JAKMIP3: variants seen among roughly 807,000 people sequenced by gnomAD.
The protein encoded by JAKMIP3 is janus kinase and microtubule-interacting protein 3.
A neutral mutation model predicts 118.5 loss-of-function variants in JAKMIP3; 58 were observed. The observed-to-expected ratio is 0.49, with a 90% CI of 0.40 to 0.61. The LOEUF is 0.61. JAKMIP3 is among the 20% of genes least tolerant of loss of function. The pLI is 0.00. For missense variants in JAKMIP3, 950 were observed against 1,109.0 expected (o/e 0.86, Z 2.04); for synonymous variants, 486 against 451.2 (o/e 1.08, Z -0.98).
At position 132,183,540 on chromosome 10, in the gene JAKMIP3, C is replaced by G. The variant is rs905536383; in HGVS notation, c.*2287C>G. On this transcript the variant is annotated 3_prime_UTR_variant, in exon 24 of 24. Transcript: ENST00000684848. Reference sequence around the variant, plus strand: ...AGGCAAACTATACGGCAAAGAGAAGCATGTAAATATGTACCAAATCCTTAT... The same window carrying G: ...AGGCAAACTATACGGCAAAGAGAAGGATGTAAATATGTACCAAATCCTTAT... 4 of 152,190 alleles carry G rather than the reference C, an allele frequency of 2.6e-5. No homozygotes were observed. The highest frequency in any genetic ancestry group is 7.2e-5 in the African/African-American group (3 of 41,440). 9.4% of individuals were successfully genotyped at this position (152,190 alleles called of 1,614,324 possible).
rs1488261983 is a variant in JAKMIP3, at chr10:132,168,253, A to C, written c.*323A>C. The C allele has an allele frequency of 7.8e-7, 1 of 1,289,158 alleles. No individual in the cohort carries two copies. Among genetic ancestry groups the C allele is most frequent in the East Asian group, 5.6e-5 (1 of 18,012 alleles). The allele number at this position is 1,289,158 out of a possible 1,614,324, so 79.9% of individuals were successfully genotyped here. A position where few individuals can be genotyped will look rare whatever the true frequency, so the allele number is the denominator to read the frequency against. ...CCCCATCCCATTTCCAGGGATGTGT[A>C]GCATTCCCTGCCAAGCAGGGGTGAG... On this transcript the variant is annotated 3_prime_UTR_variant, in exon 23 of 24. Transcript: ENST00000684848.
Position 132,058,724 on chromosome 10 carries a change from G to A in JAKMIP3, c.-138+21986G>A, listed in dbSNP as rs145436458. On this transcript the variant is annotated intron_variant, in intron 1 of 23. Transcript: ENST00000657785. ...GCACCCGGCTGTTGGAAAATCACAG[G>A]TTGTCTTGATGGGTGCTGCATCCAG... is the stretch of plus-strand genomic sequence containing the variant. Among the ~76,000 whole-genome samples, 10 of 152,366 alleles carry A rather than the reference G, an allele frequency of 6.6e-5. No individual in the cohort carries two copies. The East Asian group carries it at 1.9e-3, about 29-fold the overall frequency.
Position 132,151,386 on chromosome 10 carries a change from T to A in JAKMIP3, c.2007+1345T>A, listed in dbSNP as rs180704248. On this transcript the variant is annotated intron_variant, in intron 16 of 23. Transcript: ENST00000684848. ...TGCTCTGCATCCGAGGACTCCCTTC[T>A]CCCCTTGCCTGCCCAGCCCCTGGGG... 2.9e-4 allele frequency among the ~76,000 whole-genome samples: 44 copies of A among 152,270 alleles called. No homozygotes were observed. In the East Asian group the frequency reaches 8.5e-3, roughly 29 times the overall value.
chr10:132,133,211 C>A (rs74161728), intron 3 of JAKMIP3, 101 bp from the exon 4 acceptor site: 4 of 1,034,970 alleles, frequency 3.9e-6, no homozygotes, highest in Non-Finnish European at 5.8e-6. Context: ...CTTTTGCTTC[C>A]GGTCTCAGAG....
chr10:132,156,818 A>T (rs2057152353), intron 19 of JAKMIP3, among the ~76,000 whole-genome samples: 1 of 152,238 alleles, frequency 6.6e-6, no homozygotes, highest in East Asian at 1.9e-4. Flanking sequence ...TTTTAAATCC[A>T]GCCCACCTTG....
In JAKMIP3 at chr10:132,044,281, G is replaced by A. The variant is rs373809038; in HGVS notation, c.-138+7543G>A. On this transcript the variant is annotated intron_variant, in intron 1 of 23. Coordinates refer to the JAKMIP3 transcript ENST00000657785. The surrounding 1 kb of genome is among the most constrained non-coding windows in gnomAD (Gnocchi z 5.3). ...TGGTCCAGGCATCGTGGACCTCCCT[G>A]GGGTGAGTAGTCAACACAGACACAG... Among the ~76,000 whole-genome samples the A allele has an allele frequency of 2.0e-5, 3 of 152,328 alleles. No homozygotes were observed. Among genetic ancestry groups the A allele is most frequent in the East Asian group, 3.9e-4 (2 of 5,180 alleles).
At chr10:132,162,336 C>T (rs535510016) in intron 19 of JAKMIP3, among the ~76,000 whole-genome samples, 1 of 152,384 alleles carries the variant, frequency 6.6e-6, no homozygotes, top group East Asian at 1.9e-4. Context: ...CTCCCACCAC[C>T]AGGTGCACGT....
At chr10:132,182,158 C>A (rs931237896) in intron 23 of JAKMIP3, among the ~76,000 whole-genome samples, 199 bp from the exon 24 acceptor site, 3 of 152,040 alleles carry the variant, frequency 2.0e-5, no homozygotes, top group African/African-American at 7.2e-5. Context: ...AGGTGCGTCT[C>A]CCGGGCTGGA....
chr10:132,117,665 G>C lies in JAKMIP3; in HGVS notation c.633+91G>C. The C allele has an allele frequency of 7.9e-7, 1 of 1,259,304 alleles. No individual in the cohort carries two copies. Among genetic ancestry groups the C allele is most frequent in the South Asian group, 2.7e-5 (1 of 37,084 alleles). 78.0% of individuals were successfully genotyped at this position (1,259,304 alleles called of 1,614,324 possible). A position where few individuals can be genotyped will look rare whatever the true frequency, so the allele number is the denominator to read the frequency against. On this transcript the variant is annotated intron_variant, in intron 3 of 23. Transcript: ENST00000684848. This position sits in a 1 kb window ranked among gnomAD's most constrained non-coding sequence, Gnocchi z 8.6. ...GGCGGGCGTGGGCGAGGGTGCAGGC[G>C]TGGGCTCGGGGAGCACGCGGGCAGC...
At chr10:132,083,669 T>C (rs1338627921) in intron 1 of JAKMIP3, among the ~76,000 whole-genome samples, 1 of 152,358 alleles carries the variant, frequency 6.6e-6, no homozygotes, top group East Asian at 1.9e-4. Context: ...TTTCAGGTCT[T>C]AGATTTAAGT....
At chr10:132,139,274 ATG>A (rs1212154514) in intron 9 of JAKMIP3, among the ~76,000 whole-genome samples, 2 of 140,528 alleles carry the variant, frequency 1.4e-5, no homozygotes, top group East Asian at 2.1e-4. Context: ...ATGTGTGTAC[ATG>A]TGAGTGTATA....
chr10:132,115,800 C>G (rs2047553234), intron 2 of JAKMIP3, among the ~76,000 whole-genome samples: 1 of 152,236 alleles, frequency 6.6e-6, no homozygotes, highest in African/African-American at 2.4e-5. Context: ...GGACCTTTGT[C>G]CATTTCATTT....
intron 1 of JAKMIP3, among the ~76,000 whole-genome samples, chr10:132,090,851 G>A (rs1288001596): frequency 6.6e-6 from 1 of 151,810 alleles, no homozygotes; most frequent in Admixed American, 6.6e-5. Flanking sequence ...TAGTGCCATA[G>A]TTCTTTTAAT....
rs777636354 is a variant in JAKMIP3, at chr10:132,141,937, G to A, written c.1491G>A (p.Glu497=). 2 of 1,594,124 alleles carry A rather than the reference G, an allele frequency of 1.3e-6. No homozygotes were observed. The highest frequency in any genetic ancestry group is 8.5e-7 in the Non-Finnish European group (1 of 1,170,934). Reference sequence around the variant, plus strand: ...CTCTCCAGGGCATGGCCAAGGAGGAGACGGAGCTGAGGTTCCGGCAGCTGA... The same window carrying A: ...CTCTCCAGGGCATGGCCAAGGAGGAAACGGAGCTGAGGTTCCGGCAGCTGA... ...DDLEEGMAKE[E]TELRFRQLTM... Residue 497 remains glutamate, a synonymous_variant, in exon 11 of 24, where the codon GAG becomes GAA. Transcript: ENST00000684848.
At chr10:132,042,399 C>T (rs999110170) in intron 1 of JAKMIP3, among the ~76,000 whole-genome samples, 19 of 152,074 alleles carry the variant, frequency 1.2e-4, no homozygotes, top group Non-Finnish European at 2.5e-4. Flanking sequence ...TTTGTAGAGA[C>T]GGGTCTCTCT....
chr10:132,097,522 C>T (rs888630479), intron 1 of JAKMIP3, among the ~76,000 whole-genome samples: 2 of 151,938 alleles, frequency 1.3e-5, no homozygotes, highest in African/African-American at 4.8e-5. Context: ...GGGAGCAGAT[C>T]GTGGCTTCCC....
intron 1 of JAKMIP3, among the ~76,000 whole-genome samples, chr10:132,101,283 C>T (rs1039767101): frequency 3.9e-5 from 6 of 152,112 alleles, no homozygotes; most frequent in Admixed American, 1.3e-4. Flanking sequence ...CCCAGGAAGT[C>T]GAGGCTACAG....
At chr10:132,144,547 G>A (rs755022779) in intron 11 of JAKMIP3, 1 of 152,940 alleles carries the variant, frequency 6.5e-6, no homozygotes, top group South Asian at 2.1e-4. Flanking sequence ...TGTAAACAAA[G>A]ATTTCTCCTA....
At position 132,153,020 on chromosome 10, in the gene JAKMIP3, A is replaced by G; in HGVS notation, c.2070A>G (p.Glu690=). 6.2e-7 allele frequency: 1 copy of G among 1,606,818 alleles called. No homozygotes were observed. Among genetic ancestry groups the G allele is most frequent in the Non-Finnish European group, 8.5e-7 (1 of 1,176,872 alleles). The change falls in exon 17 of 24, where the codon GAA becomes GAG. Residue 690 remains glutamate (E), a synonymous_variant. Transcript: ENST00000684848. ...IQARTVLTLA[E]KWLQQIEETE... is the part of the protein sequence containing the mutation. Reference sequence around the variant, plus strand: ...CCAGGACAGTCCTGACCTTGGCCGAAAAGGTAACAGCAGCTGTGTGGACAG... The same window carrying G: ...CCAGGACAGTCCTGACCTTGGCCGAGAAGGTAACAGCAGCTGTGTGGACAG...
Sources: allele counts gnomAD v4.1 joint callset (sites outside exome capture counted in the v4.1 genomes callset), GRCh38; gene constraint gnomAD v4.1.1; non-coding constraint Gnocchi (gnomAD v3.1); transcripts MANE v1.5; gene names NCBI Gene and HGNC (gene_info 2026-07-23, HGNC 2026-07-21).